The following EXOC4 variants were observed in gnomAD, a reference collection of about 807,000 sequenced individuals.
The protein encoded by EXOC4 is SEC8-like 1.
A neutral mutation model predicts 107.2 loss-of-function variants in EXOC4; 71 were observed. The ratio of observed to expected loss-of-function variants is 0.66; its 90% CI spans 0.55 to 0.81. EXOC4 has a LOEUF of 0.81. Ranked by LOEUF, EXOC4 falls within the 30% of genes least tolerant of loss-of-function variation. The pLI, the probability that EXOC4 is intolerant of heterozygous loss-of-function variation, is 0.00. For synonymous variants in EXOC4, 456 were observed against 441.2 expected, an observed-to-expected ratio of 1.03 and a Z score of -0.42; for missense variants, 1,108 against 1,189.6, an observed-to-expected ratio of 0.93 and a Z score of 1.01.
At chr7:133,842,020 A>G (rs1406167511) in intron 11 of EXOC4, among the ~76,000 whole-genome samples, 1 of 152,154 alleles carries the variant, frequency 6.6e-6, no homozygotes, top group East Asian at 1.9e-4. Context: ...TCCACGGTGT[A>G]TATGTACCAC....
At position 133,312,985 on chromosome 7, in the gene EXOC4, G is replaced by A. The variant is rs186730694; in HGVS notation, c.657-4299G>A. Among the ~76,000 whole-genome samples, 344 of 152,132 alleles carry A rather than the reference G, an allele frequency of 2.3e-3. 1 individual carries two copies. The highest frequency in any genetic ancestry group is 3.9e-3 in the Non-Finnish European group (263 of 67,998). On this transcript the variant is annotated intron_variant, in intron 4 of 17. Transcript: ENST00000253861. ...GCTTCCTCAGCCATCCTGGGACATC[G>A]TCTAGCTCATGGAAGAGAAAATTTG...
chr7:133,646,042 T>A (rs1056071651), intron 10 of EXOC4, among the ~76,000 whole-genome samples: 1 of 122,288 alleles, frequency 8.2e-6, no homozygotes, highest in Admixed American at 9.9e-5. Context: ...TCTCCTCTCC[T>A]CCTCTCCCCA....
intron 17 of EXOC4, among the ~76,000 whole-genome samples, chr7:134,008,892 A>G (rs997651243): frequency 1.3e-5 from 2 of 152,076 alleles, no homozygotes; most frequent in African/African-American, 4.8e-5. Flanking sequence ...CAGCCTCCAA[A>G]AGCACTGGAA....
chr7:134,009,795 T>A (rs1391074272), intron 17 of EXOC4: 5 of 152,316 alleles, frequency 3.3e-5, no homozygotes, highest in East Asian at 3.9e-4. Flanking sequence ...TGATTTTTTT[T>A]ATTTAGCTGA....
At chr7:134,071,659 G>C in the EXOC4 span, among the ~76,000 whole-genome samples, 4 of 152,120 alleles carry the variant, frequency 2.6e-5, no homozygotes, top group African/African-American at 9.7e-5. Flanking sequence ...GTTAGTTTGG[G>C]GAAGGCCCTA....
intron 17 of EXOC4, among the ~76,000 whole-genome samples, chr7:134,018,297 T>G (rs1169616742): frequency 6.6e-6 from 1 of 152,158 alleles, no homozygotes; most frequent in Non-Finnish European, 1.5e-5. Context: ...GTGTTTAAAT[T>G]TTGATGCTTG....
chr7:133,761,412 C>T (rs922794858), intron 10 of EXOC4, among the ~76,000 whole-genome samples: 2 of 151,948 alleles, frequency 1.3e-5, no homozygotes, highest in Non-Finnish European at 2.9e-5. Context: ...CTGAATCTCT[C>T]GGTAAAAATT....
intron 14 of EXOC4, among the ~76,000 whole-genome samples, chr7:133,974,987 C>T (rs1793793407): frequency 6.6e-6 from 1 of 151,372 alleles, no homozygotes; most frequent in Non-Finnish European, 1.5e-5. Context: ...CCATTTGCAG[C>T]AACTAAGTAA....
At chr7:134,038,830 C>T (rs966439377) in intron 17 of EXOC4, among the ~76,000 whole-genome samples, 4 of 152,148 alleles carry the variant, frequency 2.6e-5, no homozygotes, top group Non-Finnish European at 5.9e-5. Flanking sequence ...CAGTTGGAAA[C>T]AAGCTCTTCC....
At chr7:133,345,253 A>C (rs1353328970) in intron 5 of EXOC4, among the ~76,000 whole-genome samples, 2 of 152,220 alleles carry the variant, frequency 1.3e-5, no homozygotes, top group Non-Finnish European at 2.9e-5. Flanking sequence ...AGGTCCAGCA[A>C]GATTAAATGA....
intron 8 of EXOC4, among the ~76,000 whole-genome samples, chr7:133,476,066 C>T (rs1263076870): frequency 2.6e-5 from 4 of 152,100 alleles, no homozygotes; most frequent in Non-Finnish European, 5.9e-5. Context: ...TCCTAGGTAT[C>T]AGGCACTGTA....
intron 10 of EXOC4, among the ~76,000 whole-genome samples, chr7:133,755,267 T>C (rs1795884479): frequency 9.8e-6 from 1 of 102,032 alleles, no homozygotes; most frequent in Non-Finnish European, 2.0e-5. Flanking sequence ...ATATATATTA[T>C]ATATATTATA....
rs180700323 is a variant in EXOC4 at position 133,651,649 on chromosome 7, G to A, written c.1514+21508G>A. Reference sequence around the variant, plus strand: ...AGGACTTTTATCTGATATTAGAGTTGCCCAGAAGGACCACACCTTGTAACT... The same window carrying A: ...AGGACTTTTATCTGATATTAGAGTTACCCAGAAGGACCACACCTTGTAACT... On this transcript the variant is annotated intron_variant, in intron 10 of 17. Coordinates refer to ENST00000253861, the MANE Select transcript of EXOC4 (RefSeq NM_021807.4). Among the ~76,000 whole-genome samples the A allele has an allele frequency of 3.1e-4, 47 of 152,178 alleles. 1 individual carries two copies. In the East Asian group the frequency reaches 9.1e-3, roughly 29 times the overall value.
chr7:133,854,905 C>T (rs1375163121), intron 11 of EXOC4, among the ~76,000 whole-genome samples: 3 of 148,884 alleles, frequency 2.0e-5, no homozygotes, highest in Admixed American at 6.8e-5. Context: ...GTATATCATC[C>T]CTACTTTTTA....
At chr7:133,557,930 G>T (rs1427797144) in intron 9 of EXOC4, among the ~76,000 whole-genome samples, 1 of 152,188 alleles carries the variant, frequency 6.6e-6, no homozygotes, top group Non-Finnish European at 1.5e-5. Context: ...GGCGGAGGTT[G>T]CAGTGAGCCA....
intron 9 of EXOC4, among the ~76,000 whole-genome samples, chr7:133,617,389 A>G (rs1802218991): frequency 3.3e-5 from 5 of 152,344 alleles, no homozygotes; most frequent in Admixed American, 2.0e-4. Flanking sequence ...ATTTTCATTG[A>G]TCATTTCATG....
chr7:134,020,516 G>A (rs1795004580), intron 17 of EXOC4, among the ~76,000 whole-genome samples: 1 of 152,180 alleles, frequency 6.6e-6, no homozygotes, highest in Non-Finnish European at 1.5e-5. Context: ...TGACACACAA[G>A]GTGGTCACCA....
At chr7:133,640,590 C>T (rs1323149180) in intron 10 of EXOC4, among the ~76,000 whole-genome samples, 1 of 152,094 alleles carries the variant, frequency 6.6e-6, no homozygotes, top group East Asian at 1.9e-4. Context: ...TGCGGTGGAG[C>T]AGTGTCCAGC....
At chr7:133,840,995 A>G (rs1041002448) in intron 11 of EXOC4, among the ~76,000 whole-genome samples, 17 of 152,200 alleles carry the variant, frequency 1.1e-4, no homozygotes, top group African/African-American at 4.1e-4. Flanking sequence ...CCGTAACAAA[A>G]TACCACAAAA....
Sources: gnomAD v4.1 joint callset for allele counts (sites outside exome capture counted in the v4.1 genomes callset) on GRCh38, gnomAD v4.1.1 for gene constraint, MANE v1.5 for transcripts, NCBI Gene and HGNC (gene_info 2026-07-23, HGNC 2026-07-21) for gene names.